The following PALM2AKAP2 variants were observed in gnomAD, a reference collection of about 807,000 sequenced individuals.
The protein encoded by PALM2AKAP2 is PALM2-AKAP2 fusion protein.
In PALM2AKAP2, 37 loss-of-function variants were observed where a neutral mutation model predicts 71.5. The observed-to-expected ratio is 0.52, with a 90% CI of 0.40 to 0.68. The LOEUF is 0.68. Among genes scored for constraint, PALM2AKAP2 ranks in the 30% least tolerant of loss-of-function variants. The pLI is 0.00. For missense variants in PALM2AKAP2, 1,224 were observed against 1,191.8 expected (o/e 1.03, Z -0.40); for synonymous variants, 468 against 478.8 (o/e 0.98, Z 0.29).
chr9:110,064,991 T>C (rs1044944231), intron 1 of PALM2AKAP2, among the ~76,000 whole-genome samples: 1 of 152,138 alleles, frequency 6.6e-6, no homozygotes, highest in Admixed American at 6.5e-5. Context: ...GTTCTGAGGG[T>C]GACCTGCAGG....
Position 109,854,763 on chromosome 9 carries a change from C to CTTTTTTTTTT in PALM2AKAP2, c.46-12710_46-12701dup, listed in dbSNP as rs34401582. Among the ~76,000 whole-genome samples the CTTTTTTTTTT allele has an allele frequency of 7.6e-5, 5 of 66,182 alleles. 1 individual carries two copies. Among genetic ancestry groups the CTTTTTTTTTT allele is most frequent in the African/African-American group, 2.5e-4 (4 of 16,174 alleles). The allele number at this position is 66,182 out of a possible 152,430, so 43.4% of individuals were successfully genotyped here. A position where few individuals can be genotyped will look rare whatever the true frequency, so the allele number is the denominator to read the frequency against. On this transcript the variant is annotated intron_variant, in intron 1 of 9. Coordinates refer to the PALM2AKAP2 transcript ENST00000302798. ...GTAGTCAGTTTTTAAAAGAATGTAT[C>CTTTTTTTTTT]TTTTTTTTTTTTTTTTTTTTTTTTT...
intron 1 of PALM2AKAP2, among the ~76,000 whole-genome samples, chr9:109,829,289 A>G (rs12553427): frequency 0.091 from 13,898 of 152,190 alleles, 768 homozygotes; most frequent in Admixed American, 0.16. Context: ...TCTTCCAACA[A>G]TTCATCCTTT....
At chr9:110,024,149 T>G (rs1564266082) in intron 7 of PALM2AKAP2, among the ~76,000 whole-genome samples, 1 of 152,238 alleles carries the variant, frequency 6.6e-6, no homozygotes, top group East Asian at 1.9e-4. Context: ...TTCCCCCAGG[T>G]AGGTATATGA....
intron 1 of PALM2AKAP2, among the ~76,000 whole-genome samples, chr9:109,684,325 G>A (rs1053294029): frequency 6.6e-6 from 1 of 152,156 alleles, no homozygotes; most frequent in African/African-American, 2.4e-5. Context: ...GGAACCACCT[G>A]TGGAGTTTCT....
In PALM2AKAP2 at chr9:109,920,446, G is replaced by A. The variant is rs78332082; in HGVS notation, c.258-3289G>A. 9.5e-3 allele frequency among the ~76,000 whole-genome samples: 1,423 copies of A among 150,390 alleles called. 17 individuals are homozygous for A. Among genetic ancestry groups the A allele is most frequent in the East Asian group, 0.026 (134 of 5,064 alleles). ...AAGTGCAGTGGTGCAATCTGGGCTC[G>A]CTGCAGCCTTGCAGCCTCTGTCTCC... On this transcript the variant is annotated intron_variant, in intron 3 of 9. Transcript: ENST00000302798.
At chr9:110,056,719 A>G (rs1185457947) in intron 1 of PALM2AKAP2, among the ~76,000 whole-genome samples, 1 of 152,214 alleles carries the variant, frequency 6.6e-6, no homozygotes, top group African/African-American at 2.4e-5. Flanking sequence ...AAAGCACTTG[A>G]TGATTCCTGT....
At chr9:110,023,981 A>G (rs1240381532) in intron 7 of PALM2AKAP2, among the ~76,000 whole-genome samples, 1 of 152,158 alleles carries the variant, frequency 6.6e-6, no homozygotes, top group Non-Finnish European at 1.5e-5. Context: ...AAAAATAACC[A>G]TAATTTTCAT....
At chr9:109,849,871 T>A in intron 1 of PALM2AKAP2, among the ~76,000 whole-genome samples, 1 of 152,212 alleles carries the variant, frequency 6.6e-6, no homozygotes, top group African/African-American at 2.4e-5. Context: ...GCGCTATTTT[T>A]TTAAACCTTT....
intron 1 of PALM2AKAP2, among the ~76,000 whole-genome samples, chr9:109,646,939 G>A (rs1023173359): frequency 8.5e-5 from 13 of 152,308 alleles, no homozygotes; most frequent in East Asian, 5.8e-4. Context: ...TAATTTCTAT[G>A]ATGAAAGTAA....
chr9:110,085,742 C>A (rs1010141530), intron 1 of PALM2AKAP2, among the ~76,000 whole-genome samples: 3 of 151,984 alleles, frequency 2.0e-5, no homozygotes, highest in Non-Finnish European at 4.4e-5. Flanking sequence ...ATGGATAATG[C>A]CTAAAACTGA....
intron 1 of PALM2AKAP2, among the ~76,000 whole-genome samples, chr9:109,833,622 T>G (rs951949176): frequency 2.6e-5 from 4 of 152,158 alleles, no homozygotes; most frequent in African/African-American, 9.7e-5. Flanking sequence ...ATGATTCAGT[T>G]GGGGAGTTAT....
At chr9:110,084,947 A>T (rs1457108631) in intron 1 of PALM2AKAP2, among the ~76,000 whole-genome samples, 1 of 151,782 alleles carries the variant, frequency 6.6e-6, no homozygotes, top group East Asian at 1.9e-4. Flanking sequence ...TCACTGTGTT[A>T]GTCAGGATGG....
chr9:109,885,696 C>A (rs1309886670), intron 3 of PALM2AKAP2, among the ~76,000 whole-genome samples: 1 of 152,144 alleles, frequency 6.6e-6, no homozygotes, highest in Non-Finnish European at 1.5e-5. Flanking sequence ...TATGTGAAAC[C>A]TGCTTTGGGG....
At chr9:110,104,377 G>A (rs561482343) in intron 1 of PALM2AKAP2, among the ~76,000 whole-genome samples, 125 of 152,238 alleles carry the variant, frequency 8.2e-4, no homozygotes, top group South Asian at 3.1e-3. Context: ...TACTGTAAGG[G>A]CAGTTCTTGA....
chr9:110,095,799 A>G lies in PALM2AKAP2; in HGVS notation c.157-40328A>G, dbSNP rs575129545. 9.9e-5 allele frequency among the ~76,000 whole-genome samples: 15 copies of G among 152,266 alleles called. No individual in the cohort carries two copies. The South Asian group carries it at 3.1e-3, about 32-fold the overall frequency. ...ATTTGGCCATAGCAGAGGAAAAGTG[A>G]TAGCTGTTAGGGGTCTTGGAAGGAG... On this transcript the variant is annotated intron_variant, in intron 1 of 3. Transcript: ENST00000374525.
chr9:109,932,049 G>A, intron 6 of PALM2AKAP2, 21 bp downstream of exon 6: 2 of 1,606,748 alleles, frequency 1.2e-6, no homozygotes, highest in Non-Finnish European at 1.7e-6. Context: ...GGGACCTTTG[G>A]ACGCTAGGAT....
At chr9:110,089,285 A>G (rs1178000602) in intron 1 of PALM2AKAP2, among the ~76,000 whole-genome samples, 2 of 152,218 alleles carry the variant, frequency 1.3e-5, no homozygotes, top group Non-Finnish European at 2.9e-5. Flanking sequence ...TGAAGCCAAG[A>G]CTAGTTATGT....
intron 1 of PALM2AKAP2, among the ~76,000 whole-genome samples, chr9:109,738,851 CAATT>C (rs1828676978): frequency 6.6e-6 from 1 of 152,058 alleles, no homozygotes. Flanking sequence ...AGCGCCCCTG[CAATT>C]AATTAAAGTG....
chr9:110,113,386 GCAC>G (rs1167580496), intron 1 of PALM2AKAP2, among the ~76,000 whole-genome samples: 1 of 151,690 alleles, frequency 6.6e-6, no homozygotes, highest in Admixed American at 6.6e-5. Context: ...CTACAGGCGT[GCAC>G]CACCATGCCC....
Sources: gnomAD v4.1 joint callset for allele counts (sites outside exome capture counted in the v4.1 genomes callset) on GRCh38, gnomAD v4.1.1 for gene constraint, MANE v1.5 for transcripts, NCBI Gene and HGNC (gene_info 2026-07-23, HGNC 2026-07-21) for gene names.